The following TNIK variants were observed in gnomAD, a reference collection of about 807,000 sequenced individuals.
TNIK encodes the protein TRAF2 and NCK interacting kinase, also known as TRAF2 and NCK-interacting protein kinase.
In TNIK, 49 loss-of-function variants were observed where a neutral mutation model predicts 191.3. The ratio of observed to expected loss-of-function variants is 0.26; its 90% CI spans 0.20 to 0.32. The LOEUF (loss-of-function observed/expected upper bound fraction) is 0.32. Ranked by LOEUF, TNIK falls within the 10% of genes least tolerant of loss-of-function variation. The pLI, the probability that TNIK is intolerant of heterozygous loss-of-function variation, is 1.00. For synonymous variants in TNIK, 594 were observed against 600.9 expected, an observed-to-expected ratio of 0.99 and a Z score of 0.17; for missense variants, 1,155 against 1,702.3, an observed-to-expected ratio of 0.68 and a Z score of 5.66.
At chr3:171,291,882 G>A (rs1751718535) in intron 2 of TNIK, among the ~76,000 whole-genome samples, 1 of 151,882 alleles carries the variant, frequency 6.6e-6, no homozygotes, top group Non-Finnish European at 1.5e-5. Flanking sequence ...CTTTCATTCT[G>A]TCCCACAGGT....
rs199605404 is a variant in TNIK at position 171,063,950 on chromosome 3, G to A, written c.4014C>T (p.Ser1338=). ...CTTGGCTACTTCCTCCAGATCGCAC[G>A]GATGCAAAAAATACCTGTTTGAAAT... ...CERNDKVFFA[S]VRSGGSSQVF... Residue 1338 remains serine (S), a synonymous_variant, in exon 33 of 33, where the codon TCC becomes TCT. Coordinates refer to ENST00000436636, the MANE Select transcript of TNIK (RefSeq NM_015028.4). 672 of 1,613,086 alleles carry A rather than the reference G, an allele frequency of 4.2e-4. No homozygotes were observed. Among genetic ancestry groups the A allele is most frequent in the Non-Finnish European group, 5.3e-4 (629 of 1,179,568 alleles).
chr3:171,225,567 G>A (rs189055164), intron 3 of TNIK: 103 of 456,626 alleles, frequency 2.3e-4, no homozygotes, highest in African/African-American at 2.0e-3. Flanking sequence ...TGAGAAGGCA[G>A]TCTCTCAAAT....
chr3:171,271,547 A>T (rs907457924), intron 2 of TNIK, among the ~76,000 whole-genome samples: 4 of 152,240 alleles, frequency 2.6e-5, no homozygotes, highest in Non-Finnish European at 2.9e-5. Context: ...GATTAAAACC[A>T]AATGCCATTT....
chr3:171,190,099 T>C (rs1001934757), intron 6 of TNIK, among the ~76,000 whole-genome samples: 3 of 152,192 alleles, frequency 2.0e-5, no homozygotes, highest in African/African-American at 7.2e-5. Flanking sequence ...GTCAAATGCA[T>C]GTGGTAATTC....
At chr3:171,282,701 C>T (rs1027578436) in intron 2 of TNIK, among the ~76,000 whole-genome samples, 7 of 152,066 alleles carry the variant, frequency 4.6e-5, no homozygotes, top group African/African-American at 7.2e-5. Context: ...AAAGATAAAT[C>T]GAGGTATCTA....
At chr3:171,191,091 G>A (rs1738013387) in intron 5 of TNIK, among the ~76,000 whole-genome samples, 1 of 152,156 alleles carries the variant, frequency 6.6e-6, no homozygotes, top group South Asian at 2.1e-4. Context: ...ACATGAACAT[G>A]AGTTTCAGTT....
In TNIK at chr3:171,211,110, A is replaced by G. The variant is rs764603955; in HGVS notation, c.306+6T>C. On this transcript the variant is annotated splice_donor_region_variant and intron_variant, in intron 4 of 32. Transcript: ENST00000436636. ...AAATAAAGCAAATTTGGACGGCAGT[A>G]CATACCCAAAGTTGGTCATCCATGC... 3 of 1,611,916 alleles carry G rather than the reference A, an allele frequency of 1.9e-6. No homozygotes were observed. The highest frequency in any genetic ancestry group is 2.7e-5 in the African/African-American group (2 of 74,828).
chr3:171,295,607 A>G (rs35329275), intron 2 of TNIK, among the ~76,000 whole-genome samples: 57,699 of 152,100 alleles, frequency 0.38, 11,419 homozygotes, highest in Non-Finnish European at 0.43. Context: ...CAATTAGGTA[A>G]CTTGAAAAAG....
At chr3:171,106,111 AGGCTCTTCGG>A (rs1724825230) in intron 21 of TNIK, among the ~76,000 whole-genome samples, 15 of 152,318 alleles carry the variant, frequency 9.8e-5, no homozygotes, top group Admixed American at 9.2e-4. Flanking sequence ...TGAAAAAGTG[AGGCTCTTCGG>A]TGAAGACCAG....
intron 2 of TNIK, among the ~76,000 whole-genome samples, chr3:171,330,479 T>C (rs1756285615): frequency 6.6e-6 from 1 of 152,208 alleles, no homozygotes; most frequent in African/African-American, 2.4e-5. Flanking sequence ...CAGCTGGCCT[T>C]CTAGAGATAG....
chr3:171,335,979 T>C (rs1044661913), intron 2 of TNIK, among the ~76,000 whole-genome samples: 15 of 152,186 alleles, frequency 9.9e-5, no homozygotes, highest in African/African-American at 3.4e-4. Context: ...CAGTGCGTAG[T>C]GTATCTCGTT....
At chr3:171,367,473 T>TG (rs200146363) in intron 2 of TNIK, among the ~76,000 whole-genome samples, 187 of 118,590 alleles carry the variant, frequency 1.6e-3, no homozygotes, top group African/African-American at 4.9e-3. Context: ...AGCATTTTTT[T>TG]GGGGGGGGGG....
intron 2 of TNIK, among the ~76,000 whole-genome samples, chr3:171,231,511 T>C (rs1411419970): frequency 6.6e-6 from 1 of 152,024 alleles, no homozygotes; most frequent in Non-Finnish European, 1.5e-5. Flanking sequence ...GTGGAACAAT[T>C]AGCAGCCTCA....
At chr3:171,265,816 T>A (rs1748321779) in intron 2 of TNIK, among the ~76,000 whole-genome samples, 1 of 152,168 alleles carries the variant, frequency 6.6e-6, no homozygotes, top group Non-Finnish European at 1.5e-5. Context: ...GGAGGGTTGA[T>A]CTGAGTCACT....
chr3:171,085,447 G>C (rs55637014), intron 24 of TNIK, among the ~76,000 whole-genome samples: 1 of 152,196 alleles, frequency 6.6e-6, no homozygotes, highest in Non-Finnish European at 1.5e-5. Flanking sequence ...TTAATTATCA[G>C]ACTGCAAGAA....
In TNIK at chr3:171,219,360, G is replaced by GTA. The variant is rs202172078; in HGVS notation, c.181-8121_181-8120dup. ...TATATCATTTTATATATAATGATGT[G>GTA]TATATATATATAATGATATACATAT... On this transcript the variant is annotated intron_variant, in intron 3 of 32. Coordinates refer to ENST00000436636, the MANE Select transcript of TNIK (RefSeq NM_015028.4). Among the ~76,000 whole-genome samples the GTA allele has an allele frequency of 8.8e-3, 1,278 of 144,850 alleles. 45 individuals carry two copies. Among genetic ancestry groups the GTA allele is most frequent in the Admixed American group, 0.065 (918 of 14,030 alleles).
chr3:171,157,947 C>T (rs1733444292), intron 11 of TNIK, among the ~76,000 whole-genome samples: 1 of 152,218 alleles, frequency 6.6e-6, no homozygotes, highest in Admixed American at 6.5e-5. Context: ...ACTGTCCACA[C>T]CACTCCCTCA....
At chr3:171,371,338 G>A (rs552901688) in intron 1 of TNIK, among the ~76,000 whole-genome samples, 14 of 152,234 alleles carry the variant, frequency 9.2e-5, no homozygotes, top group African/African-American at 3.4e-4. Flanking sequence ...CTCAAGAAAA[G>A]CCCCTGCGTA....
At chr3:171,360,287 A>G (rs1714786580) in intron 2 of TNIK, among the ~76,000 whole-genome samples, 1 of 152,234 alleles carries the variant, frequency 6.6e-6, no homozygotes, top group Admixed American at 6.5e-5. Flanking sequence ...ACACCAAGCA[A>G]TGCCACCAGG....
Sources: gnomAD v4.1 joint callset for allele counts (sites outside exome capture counted in the v4.1 genomes callset) on GRCh38, gnomAD v4.1.1 for gene constraint, MANE v1.5 for transcripts, NCBI Gene and HGNC (gene_info 2026-07-23, HGNC 2026-07-21) for gene names.